Variants in ITM2B observed in about 807,000 individuals in gnomAD.
ITM2B encodes ABri/ADan amyloid peptide.
Under a neutral mutation model 27.8 loss-of-function variants are expected in ITM2B, and 11 were observed. That is an observed-to-expected ratio of 0.40 (90% CI 0.25 to 0.66). ITM2B has a LOEUF of 0.66. ITM2B is among the 30% of genes least tolerant of loss of function. The pLI, the probability that ITM2B is intolerant of heterozygous loss-of-function variation, is 0.43. For synonymous variants in ITM2B, 114 were observed against 114.3 expected (o/e 1.00, Z 0.02); for missense variants, 296 against 328.9 (o/e 0.90, Z 0.77).
intron 1 of ITM2B, among the ~76,000 whole-genome samples, chr13:48,234,600 T>TA (rs1593386469): frequency 6.6e-6 from 1 of 152,156 alleles, no homozygotes; most frequent in Non-Finnish European, 1.5e-5. Context: ...TAATATACTG[T>TA]AAAAAATTCA....
chr13:48,261,128 C>G lies in ITM2B; in HGVS notation c.716-11C>G, dbSNP rs766257133. The G allele has an allele frequency of 3.7e-6, 6 of 1,600,838 alleles. No individual in the cohort carries two copies. The African/African-American group carries it at 5.4e-5, about 14-fold the overall frequency. On this transcript the variant is annotated splice_polypyrimidine_tract_variant and intron_variant, in intron 5 of 5. Coordinates refer to ENST00000647800, the MANE Select transcript of ITM2B (RefSeq NM_021999.5). ...TCAAAATTTTAAAAAACTTTTTTCC[C>G]TCTCCAACAGGTATTCAGAAACGTG...
intron 1 of ITM2B, among the ~76,000 whole-genome samples, chr13:48,251,513 A>G (rs1441132168): frequency 6.6e-6 from 1 of 152,238 alleles, no homozygotes; most frequent in Non-Finnish European, 1.5e-5. Flanking sequence ...GGCACATAGT[A>G]GACATTTATA....
chr13:48,254,944 C>T (rs748096737), intron 2 of ITM2B: 7 of 151,776 alleles, frequency 4.6e-5, no homozygotes, highest in African/African-American at 9.7e-5. Flanking sequence ...GGCGCGATCT[C>T]GGCTCACTGC....
intron 1 of ITM2B, among the ~76,000 whole-genome samples, chr13:48,244,394 T>C (rs575519416): frequency 5.3e-5 from 8 of 152,364 alleles, no homozygotes; most frequent in African/African-American, 1.7e-4. Flanking sequence ...TTACTGCACA[T>C]GCCTTCAGTG....
chr13:48,238,591 G>A (rs533580611), intron 1 of ITM2B, among the ~76,000 whole-genome samples: 4 of 152,214 alleles, frequency 2.6e-5, no homozygotes, highest in South Asian at 4.1e-4. Context: ...ACATAAGTAC[G>A]ACAAAAGAGA....
chr13:48,240,426 C>T (rs1033346394), intron 1 of ITM2B, among the ~76,000 whole-genome samples: 4 of 152,236 alleles, frequency 2.6e-5, no homozygotes, highest in East Asian at 1.9e-4. Flanking sequence ...CGGTTGGTCT[C>T]GAACTCCTGA....
In ITM2B at chr13:48,256,357, G is replaced by A. The variant is rs1221891336; in HGVS notation, c.427G>A (p.Ala143Thr). 1.2e-6 allele frequency: 2 copies of A among 1,613,760 alleles called. No individual in the cohort carries two copies. Residue 143 changes from alanine (A) to threonine (T), a missense_variant, in exon 3 of 6, where the codon GCC becomes ACC. Ala to Thr is a moderately conservative substitution (Grantham distance 58, BLOSUM62 0). Transcript: ENST00000647800. The stretch of plus-strand genomic sequence containing the variant: ...CCCAGAGTTTGCAGATAGTGATCCT[G>A]CCAACATTGTTCATGACTTTAACAA... ...PVPEFADSDP[A>T]NIVHDFNKKL... is the part of the protein sequence containing the mutation.
At chr13:48,260,699 T>C (rs1951817050) in intron 5 of ITM2B, among the ~76,000 whole-genome samples, 1 of 152,204 alleles carries the variant, frequency 6.6e-6, no homozygotes, top group Non-Finnish European at 1.5e-5. Context: ...GCAAAGGACA[T>C]GATTTCTTTT....
In ITM2B at chr13:48,263,011, A is replaced by G. The variant is rs1216991454; in HGVS notation, c.*1787A>G. The G allele has an allele frequency of 6.6e-6, 1 of 152,166 alleles. No individual in the cohort carries two copies. Among genetic ancestry groups the G allele is most frequent in the Non-Finnish European group, 1.5e-5 (1 of 68,028 alleles). The allele number at this position is 152,166 out of a possible 1,614,324, so 9.4% of individuals were successfully genotyped here. A position where few individuals can be genotyped will look rare whatever the true frequency, so the allele number is the denominator to read the frequency against. ...TGCAGTATCAGGGTAGCTGAACTGC[A>G]ATAATAATCCCAACATCTCACTGGC... is the stretch of plus-strand genomic sequence containing the variant. On this transcript the variant is annotated 3_prime_UTR_variant, in exon 6 of 6. Transcript: ENST00000647800.
Position 48,258,866 on chromosome 13 carries a change from A to G in ITM2B, c.634A>G (p.Ile212Val), listed in dbSNP as rs1951805641. The change falls in exon 5 of 6, where the codon ATT (isoleucine) becomes GTT (valine). Residue 212 changes from isoleucine (I) to valine (V), a missense_variant. Ile to Val is a conservative substitution (Grantham distance 29). Transcript: ENST00000647800. ...GGTTATTACTGATCGCATTGAAAAC[A>G]TTGATCACCTGGGTTTCTTTATTTA... ...HMVITDRIEN[I>V]DHLGFFIYRL... 3.1e-6 allele frequency: 5 copies of G among 1,613,444 alleles called. No individual in the cohort carries two copies. The highest frequency in any genetic ancestry group is 4.2e-6 in the Non-Finnish European group (5 of 1,179,380).
intron 1 of ITM2B, among the ~76,000 whole-genome samples, chr13:48,244,183 C>T (rs1951713751): frequency 6.6e-6 from 1 of 152,130 alleles, no homozygotes; most frequent in Non-Finnish European, 1.5e-5. Flanking sequence ...GGTACTATAC[C>T]TGGAATTTAA....
chr13:48,240,002 CT>C (rs1951690600), intron 1 of ITM2B, among the ~76,000 whole-genome samples: 1 of 152,134 alleles, frequency 6.6e-6, no homozygotes, highest in Non-Finnish European at 1.5e-5. Context: ...AGCAGCAGCA[CT>C]AGCAGAATTC....
At chr13:48,257,657 A>G (rs1951797718) in intron 3 of ITM2B, among the ~76,000 whole-genome samples, 1 of 152,196 alleles carries the variant, frequency 6.6e-6, no homozygotes, top group Admixed American at 6.5e-5. Context: ...AAACCGTTCT[A>G]TGAGACAGTC....
In ITM2B at chr13:48,265,860, CAT is replaced by C. The variant is rs1276189253; in HGVS notation, c.*4638_*4639del. On this transcript the variant is annotated 3_prime_UTR_variant, in exon 6 of 6. Transcript: ENST00000647800. ...AAAGGCTTCTCTTGTTTCTCAGTCT[CAT>C]AGCATCATCTGTCTCTTTTTTGTGA... is the stretch of plus-strand genomic sequence containing the variant. The C allele has an allele frequency of 1.3e-5, 2 of 152,158 alleles. No individual in the cohort carries two copies. The highest frequency in any genetic ancestry group is 2.9e-5 in the Non-Finnish European group (2 of 68,036). 9.4% of individuals were successfully genotyped at this position (152,158 alleles called of 1,614,324 possible).
chr13:48,261,280 T>G lies in ITM2B; in HGVS notation c.*56T>G. On this transcript the variant is annotated 3_prime_UTR_variant, in exon 6 of 6. Transcript: ENST00000647800. Reference sequence around the variant, plus strand: ...TAATATCACAGCATAACCCCACCCTTTACATTTTGTGCAGTGATTATTTTT... The same window carrying G: ...TAATATCACAGCATAACCCCACCCTGTACATTTTGTGCAGTGATTATTTTT... 8.4e-7 allele frequency: 1 copy of G among 1,185,906 alleles called. No individual in the cohort carries two copies. 73.5% of individuals were successfully genotyped at this position (1,185,906 alleles called of 1,614,324 possible).
intron 5 of ITM2B, among the ~76,000 whole-genome samples, chr13:48,259,696 C>CTT (rs35401842): frequency 2.1e-3 from 270 of 129,882 alleles, no homozygotes; most frequent in South Asian, 7.4e-3. Context: ...AGCTTGATTT[C>CTT]TTTTTTTTTT....
At position 48,261,178 on chromosome 13, in the gene ITM2B, G is replaced by A. The variant is rs1272422512; in HGVS notation, c.755G>A (p.Arg252Gln). 4.3e-6 allele frequency: 7 copies of A among 1,612,186 alleles called. No homozygotes were observed. Among genetic ancestry groups the A allele is most frequent in the African/African-American group, 4.0e-5 (3 of 74,826 alleles). The change falls in exon 6 of 6, where the codon CGG becomes CAG. Residue 252 changes from arginine to glutamine, a missense_variant. Arg to Gln is a conservative substitution (Grantham distance 43). Transcript: ENST00000647800. Reference protein sequence around the residue: ...KREASNCFAIRHFENKFAVET... With the variant: ...KREASNCFAIQHFENKFAVET... ...GAAGCCAGCAATTGTTTCGCAATTC[G>A]GCATTTTGAAAACAAATTTGCCGTG...
intron 1 of ITM2B, among the ~76,000 whole-genome samples, chr13:48,248,129 A>G (rs1951734226): frequency 1.3e-5 from 2 of 152,160 alleles, no homozygotes; most frequent in African/African-American, 2.4e-5. Flanking sequence ...CACACAAAAT[A>G]CAGAGAACCT....
chr13:48,248,885 C>A (rs1365162360), intron 1 of ITM2B, among the ~76,000 whole-genome samples: 1 of 152,212 alleles, frequency 6.6e-6, no homozygotes, highest in Non-Finnish European at 1.5e-5. Context: ...AAATTTCTGT[C>A]AATTGAGTGG....
Sources: allele counts gnomAD v4.1 joint callset (sites outside exome capture counted in the v4.1 genomes callset), GRCh38; gene constraint gnomAD v4.1.1; transcripts MANE v1.5; gene names NCBI Gene and HGNC (gene_info 2026-07-23, HGNC 2026-07-21).